Variants in PPP2R2B observed in about 807,000 individuals in gnomAD.
PPP2R2B encodes the protein serine/threonine-protein phosphatase 2A 55 kDa regulatory subunit B beta isoform.
In PPP2R2B, 5 loss-of-function variants were observed where a neutral mutation model predicts 46.0. That is an observed-to-expected ratio of 0.11 (90% confidence interval 0.06 to 0.23). The LOEUF (loss-of-function observed/expected upper bound fraction) is 0.23. Ranked by LOEUF, PPP2R2B falls within the 10% of genes least tolerant of loss-of-function variation. The pLI is 1.00. For synonymous variants in PPP2R2B, 215 were observed against 206.7 expected, an observed-to-expected ratio of 1.04 and a Z score of -0.34; for missense variants, 367 against 575.0, an observed-to-expected ratio of 0.64 and a Z score of 3.70.
At chr5:147,068,479 G>A (rs1484338125) in intron 2 of PPP2R2B, among the ~76,000 whole-genome samples, 1 of 152,096 alleles carries the variant, frequency 6.6e-6, no homozygotes, top group African/African-American at 2.4e-5. Context: ...GAAAAAAAAT[G>A]TAAGTTTTTA....
At chr5:146,625,758 T>C (rs1774012708) in intron 7 of PPP2R2B, among the ~76,000 whole-genome samples, 1 of 151,990 alleles carries the variant, frequency 6.6e-6, no homozygotes, top group African/African-American at 2.4e-5. Context: ...CATGGCAAAA[T>C]GGAATAAAGA....
intron 2 of PPP2R2B, among the ~76,000 whole-genome samples, chr5:146,769,129 C>T (rs889203930): frequency 6.6e-6 from 1 of 152,166 alleles, no homozygotes; most frequent in Non-Finnish European, 1.5e-5. Flanking sequence ...CTGCCTGCCA[C>T]AGCCTCCCAA....
At chr5:146,861,279 AT>A (rs1355034786) in intron 2 of PPP2R2B, among the ~76,000 whole-genome samples, 3 of 151,800 alleles carry the variant, frequency 2.0e-5, no homozygotes, top group African/African-American at 7.3e-5. Flanking sequence ...GATGGTGTCG[AT>A]CTCCTGACCT....
rs1469788515 is a variant in PPP2R2B at position 146,588,763 on chromosome 5, C to CAGTTCATTTCTGTAGAAGAGAG, written c.*1162_*1183dup. 4 of 152,184 alleles carry CAGTTCATTTCTGTAGAAGAGAG rather than the reference C, an allele frequency of 2.6e-5. No individual in the cohort carries two copies. Among genetic ancestry groups the CAGTTCATTTCTGTAGAAGAGAG allele is most frequent in the Non-Finnish European group, 4.4e-5 (3 of 68,038 alleles). 9.4% of individuals were successfully genotyped at this position (152,184 alleles called of 1,614,324 possible). On this transcript the variant is annotated 3_prime_UTR_variant, in exon 10 of 10. Coordinates refer to ENST00000394411, the MANE Select transcript of PPP2R2B (RefSeq NM_181675.4). ...ATGTCACAGCTGCTTGATTTCCCCA[C>CAGTTCATTTCTGTAGAAGAGAG]AGTTCATTTCTGTAGAAGAGAGCCT...
chr5:146,785,507 C>A (rs1256377881), intron 2 of PPP2R2B, among the ~76,000 whole-genome samples: 1 of 152,076 alleles, frequency 6.6e-6, no homozygotes, highest in East Asian at 1.9e-4. Context: ...TTGATTGTAC[C>A]ACTGCACTCC....
At chr5:146,644,234 CAAAAAAAAAAAAA>C (rs58634387) in intron 6 of PPP2R2B, among the ~76,000 whole-genome samples, 3 of 60,660 alleles carry the variant, frequency 4.9e-5, no homozygotes, top group East Asian at 1.0e-3. Context: ...AGGAAAGTTT[CAAAAAAAAAAAAA>C]AAAAAAAAAA....
chr5:146,871,023 T>C (rs1014221335), intron 2 of PPP2R2B, among the ~76,000 whole-genome samples: 2 of 152,254 alleles, frequency 1.3e-5, no homozygotes, highest in African/African-American at 4.8e-5. Context: ...ACAAAGTTCC[T>C]AGTGGACTTA....
intron 1 of PPP2R2B, among the ~76,000 whole-genome samples, chr5:146,980,373 G>A (rs1465514029): frequency 6.6e-6 from 1 of 152,182 alleles, no homozygotes; most frequent in Admixed American, 6.5e-5. Context: ...AAATGCTTCA[G>A]ATTCTTTTTA....
At chr5:146,708,292 G>A (rs1779996055) in intron 2 of PPP2R2B, among the ~76,000 whole-genome samples, 1 of 151,820 alleles carries the variant, frequency 6.6e-6, no homozygotes, top group African/African-American at 2.4e-5. Flanking sequence ...GGGAGGCAGA[G>A]GTTGCAGTGA....
In PPP2R2B at chr5:146,865,620, T is replaced by C. The variant is rs537133445; in HGVS notation, c.70+12382A>G. 4.5e-4 allele frequency among the ~76,000 whole-genome samples: 69 copies of C among 152,338 alleles called. No homozygotes were observed. In the South Asian group the frequency reaches 5.0e-3, roughly 11 times the overall value. On this transcript the variant is annotated intron_variant, in intron 2 of 9. Transcript: ENST00000394411. ...CTAGGTTTTTTAGCACAGTGCCTAA[T>C]ATATAATAAATGTTTTTAAAATAAC...
intron 5 of PPP2R2B, among the ~76,000 whole-genome samples, chr5:146,677,914 A>G (rs541338975): frequency 1.3e-5 from 2 of 152,170 alleles, no homozygotes; most frequent in African/African-American, 2.4e-5. Context: ...CATCATGACT[A>G]TATGTATGGA....
chr5:147,061,897 C>A (rs1185448044), intron 2 of PPP2R2B, among the ~76,000 whole-genome samples: 1 of 152,084 alleles, frequency 6.6e-6, no homozygotes, highest in Non-Finnish European at 1.5e-5. Context: ...AAAGAGTAGA[C>A]AAATAAAATC....
At chr5:146,876,456 C>T (rs1468230041) in intron 2 of PPP2R2B, among the ~76,000 whole-genome samples, 5 of 152,124 alleles carry the variant, frequency 3.3e-5, no homozygotes, top group Non-Finnish European at 5.9e-5. Flanking sequence ...AAATGTTCCC[C>T]CAAAAGCCAA....
intron 7 of PPP2R2B, among the ~76,000 whole-genome samples, chr5:146,615,515 T>TA (rs1364774106): frequency 0.012 from 833 of 70,976 alleles, 13 homozygotes; most frequent in African/African-American, 0.027. Flanking sequence ...AAAAAAAAAT[T>TA]AAAAAAAAAA....
At chr5:146,782,703 C>A (rs1755606124) in intron 2 of PPP2R2B, among the ~76,000 whole-genome samples, 1 of 151,988 alleles carries the variant, frequency 6.6e-6, no homozygotes. Flanking sequence ...CATAGTTTTT[C>A]AAGCTATGCT....
intron 5 of PPP2R2B, among the ~76,000 whole-genome samples, chr5:146,673,387 T>A (rs1382275268): frequency 2.0e-5 from 3 of 152,210 alleles, no homozygotes; most frequent in African/African-American, 7.2e-5. Flanking sequence ...AAGAAAAGAT[T>A]ATTTTTTTCC....
chr5:147,062,820 T>C (rs1441242418), intron 2 of PPP2R2B, among the ~76,000 whole-genome samples: 4 of 151,968 alleles, frequency 2.6e-5, no homozygotes, highest in Non-Finnish European at 4.4e-5. Flanking sequence ...CGTAATCATG[T>C]AGAAGAAATC....
chr5:146,800,237 A>G (rs1395447810), intron 2 of PPP2R2B, among the ~76,000 whole-genome samples: 1 of 152,126 alleles, frequency 6.6e-6, no homozygotes, highest in Non-Finnish European at 1.5e-5. Flanking sequence ...TAAACATAAT[A>G]TTACTGACTT....
chr5:146,629,563 CATAAACAGTATTCACTTCCT>C (rs1457621995), intron 7 of PPP2R2B, among the ~76,000 whole-genome samples: 1 of 152,124 alleles, frequency 6.6e-6, no homozygotes, highest in African/African-American at 2.4e-5. Context: ...CTTTTAAGAT[CATAAACAGTATTCACTTCCT>C]TCTTAGCACC....
Sources: allele counts gnomAD v4.1 joint callset (sites outside exome capture counted in the v4.1 genomes callset), GRCh38; gene constraint gnomAD v4.1.1; transcripts MANE v1.5; gene names NCBI Gene and HGNC (gene_info 2026-07-23, HGNC 2026-07-21).